SORCS2: variants seen among roughly 807,000 people sequenced by gnomAD.
SORCS2 encodes VPS10 domain-containing receptor SorCS2.
In SORCS2, 100 loss-of-function variants were observed where a neutral mutation model predicts 141.6. That is an observed-to-expected ratio of 0.71 (90% confidence interval 0.60 to 0.83). SORCS2 has a LOEUF of 0.83. Among genes scored for constraint, SORCS2 ranks in the 40% least tolerant of loss-of-function variants. The pLI, the probability that SORCS2 is intolerant of heterozygous loss-of-function variation, is 0.00. For missense variants in SORCS2, 1,646 were observed against 1,560.2 expected (o/e 1.05, Z -0.93); for synonymous variants, 789 against 676.9 (o/e 1.17, Z -2.57).
intron 5 of SORCS2, among the ~76,000 whole-genome samples, chr4:7,655,744 C>A (rs138911547): frequency 2.2e-3 from 330 of 152,324 alleles, no homozygotes; most frequent in South Asian, 4.6e-3. Context: ...CCTGCCTGGG[C>A]CTGAGCGCTC....
intron 1 of SORCS2, among the ~76,000 whole-genome samples, chr4:7,304,670 C>T (rs12513269): frequency 0.024 from 3,624 of 152,226 alleles, 89 homozygotes; most frequent in Middle Eastern, 0.075. Flanking sequence ...GAGCAGAAGC[C>T]GTGGAGGCGA....
chr4:7,579,669 A>G (rs1405019546), intron 3 of SORCS2, among the ~76,000 whole-genome samples: 1 of 152,146 alleles, frequency 6.6e-6, no homozygotes, highest in Non-Finnish European at 1.5e-5. Flanking sequence ...CACTGAATGT[A>G]CTTTCAGTGG....
At chr4:7,600,802 T>C (rs534165769) in intron 3 of SORCS2, among the ~76,000 whole-genome samples, 81 of 152,358 alleles carry the variant, frequency 5.3e-4, no homozygotes, top group Admixed American at 2.0e-3. Context: ...CAAATCTCTT[T>C]CGTATGAGAC....
chr4:7,358,658 A>G (rs777719378), intron 1 of SORCS2, among the ~76,000 whole-genome samples: 9 of 152,214 alleles, frequency 5.9e-5, no homozygotes, highest in African/African-American at 1.4e-4. Flanking sequence ...GCGGATCTCA[A>G]TCTGACCATC....
At chr4:7,500,875 C>T (rs1415509545) in intron 2 of SORCS2, among the ~76,000 whole-genome samples, 1 of 152,198 alleles carries the variant, frequency 6.6e-6, no homozygotes, top group Non-Finnish European at 1.5e-5. Flanking sequence ...TGCGGGCAGC[C>T]CCCGCAGAAT....
At chr4:7,736,786 C>T (rs1436061795) in intron 25 of SORCS2, among the ~76,000 whole-genome samples, 2 of 152,252 alleles carry the variant, frequency 1.3e-5, no homozygotes, top group South Asian at 2.1e-4. Context: ...GCCCACGCTT[C>T]GATTCTCAGG....
In SORCS2 at chr4:7,610,280, G is replaced by T. The variant is rs79101642; in HGVS notation, c.649-28048G>T. 5.3e-5 allele frequency among the ~76,000 whole-genome samples: 8 copies of T among 152,202 alleles called. No individual in the cohort carries two copies. The East Asian group carries it at 1.2e-3, about 22-fold the overall frequency. ...CCTGCCACATGTGTCCTCTCCACAC[G>T]TGAGATGCTGGTGTCAAGTTGCCAG... On this transcript the variant is annotated intron_variant, in intron 3 of 26. Transcript: ENST00000507866.
intron 3 of SORCS2, among the ~76,000 whole-genome samples, chr4:7,557,449 T>C (rs898307352): frequency 6.6e-6 from 1 of 152,230 alleles, no homozygotes; most frequent in African/African-American, 2.4e-5. Context: ...TGAAGATGAT[T>C]GTGTGCTTTA....
In SORCS2 at chr4:7,481,927, CGT is replaced by C. The variant is rs1354838731; in HGVS notation, c.549-49602_549-49601del. ...GTATCCCCACTGCGGACACCCCTGA[CGT>C]TGTTCAGACCTGTATCCCCACTGCG... On this transcript the variant is annotated intron_variant, in intron 2 of 26. Coordinates refer to ENST00000507866, the MANE Select transcript of SORCS2 (RefSeq NM_020777.3). 1.6e-4 allele frequency among the ~76,000 whole-genome samples: 16 copies of C among 102,862 alleles called. 1 individual carries two copies. The highest frequency in any genetic ancestry group is 5.8e-4 in the East Asian group (1 of 1,710). 67.5% of individuals were successfully genotyped at this position (102,862 alleles called of 152,430 possible). A position where few individuals can be genotyped will look rare whatever the true frequency, so the allele number is the denominator to read the frequency against.
intron 2 of SORCS2, among the ~76,000 whole-genome samples, chr4:7,415,763 A>G (rs1725627012): frequency 6.6e-6 from 1 of 152,234 alleles, no homozygotes; most frequent in African/African-American, 2.4e-5. Context: ...TCGTTTCTCG[A>G]TAACCTAATT....
At chr4:7,724,935 G>A (rs1298093895) in intron 19 of SORCS2, among the ~76,000 whole-genome samples, 122 of 59,244 alleles carry the variant, frequency 2.1e-3, no homozygotes, top group African/African-American at 7.5e-3. Flanking sequence ...GGTGGTAGTA[G>A]TGGTGATGGT....
In SORCS2 at chr4:7,388,145, C is replaced by T. The variant is rs572787054; in HGVS notation, c.481-8143C>T. Reference sequence around the variant, plus strand: ...ACATGTGCACACAGATGCACACATGCGCACAGATGCCCCCACACCTGAAGC... The same window carrying T: ...ACATGTGCACACAGATGCACACATGTGCACAGATGCCCCCACACCTGAAGC... On this transcript the variant is annotated intron_variant, in intron 1 of 26. Coordinates refer to ENST00000507866, the MANE Select transcript of SORCS2 (RefSeq NM_020777.3). Among the ~76,000 whole-genome samples the T allele has an allele frequency of 3.6e-3, 490 of 135,560 alleles. 1 individual carries two copies. Among genetic ancestry groups the T allele is most frequent in the African/African-American group, 0.011 (390 of 35,492 alleles). The allele number at this position is 135,560 out of a possible 152,430, so 88.9% of individuals were successfully genotyped here.
At chr4:7,473,853 G>C (rs540898511) in intron 2 of SORCS2, among the ~76,000 whole-genome samples, 11 of 152,134 alleles carry the variant, frequency 7.2e-5, no homozygotes, top group Admixed American at 2.6e-4. Context: ...GGCGGGGTCT[G>C]GGGGGAGAGG....
chr4:7,276,691 G>A (rs753202936), intron 1 of SORCS2, among the ~76,000 whole-genome samples: 6 of 152,140 alleles, frequency 3.9e-5, no homozygotes, highest in East Asian at 1.9e-4. Context: ...CAGCCCTTCC[G>A]GACTTCCAGA....
At chr4:7,690,737 T>G (rs1268548025) in intron 11 of SORCS2, among the ~76,000 whole-genome samples, 3 of 152,138 alleles carry the variant, frequency 2.0e-5, no homozygotes, top group East Asian at 3.8e-4. Context: ...GATCAATGGA[T>G]GGATGATTTA....
intron 2 of SORCS2, among the ~76,000 whole-genome samples, chr4:7,529,916 C>G (rs1215015946): frequency 6.6e-6 from 1 of 152,176 alleles, no homozygotes; most frequent in African/African-American, 2.4e-5. Flanking sequence ...TGAGGCCCCC[C>G]GCCATCCTGG....
At chr4:7,528,228 C>T (rs1296082332) in intron 2 of SORCS2, among the ~76,000 whole-genome samples, 1 of 151,968 alleles carries the variant, frequency 6.6e-6, no homozygotes, top group African/African-American at 2.4e-5. Context: ...ATTCCTAGGC[C>T]CGTAGTATGG....
chr4:7,614,192 CCATCCACCTATT>C (rs367856172), intron 3 of SORCS2, among the ~76,000 whole-genome samples: 2,314 of 151,744 alleles, frequency 0.015, 81 homozygotes, highest in African/African-American at 0.052. Context: ...ATCCATTCAT[CCATCCACCTATT>C]CATCCACCTA....
intron 3 of SORCS2, among the ~76,000 whole-genome samples, chr4:7,561,335 G>T (rs915494839): frequency 6.6e-6 from 1 of 150,452 alleles, no homozygotes; most frequent in Non-Finnish European, 1.5e-5. Flanking sequence ...ATGGAGGGGA[G>T]CGGCTGGAAG....
Sources: allele counts gnomAD v4.1 joint callset (sites outside exome capture counted in the v4.1 genomes callset), GRCh38; gene constraint gnomAD v4.1.1; transcripts MANE v1.5; gene names NCBI Gene and HGNC (gene_info 2026-07-23, HGNC 2026-07-21).